TASOR2: variants seen among roughly 807,000 people sequenced by gnomAD.
TASOR2 encodes transcription activation suppressor family member 2.
TASOR2 carries 84 observed loss-of-function variants against 199.5 expected under a neutral mutation model. The observed-to-expected ratio is 0.42, with a 90% CI of 0.35 to 0.50. The LOEUF (loss-of-function observed/expected upper bound fraction) is 0.50, where lower values mean the gene tolerates loss of function less well. Ranked by LOEUF, TASOR2 falls within the 20% of genes least tolerant of loss-of-function variation. TASOR2 has a pLI of 0.02. For synonymous variants in TASOR2, 1,103 were observed against 1,046.6 expected, an observed-to-expected ratio of 1.05 and a Z score of -1.04; for missense variants, 2,796 against 2,835.9, an observed-to-expected ratio of 0.99 and a Z score of 0.32.
At chr10:5,756,693 A>AATC (rs374568998) in exon 16 of TASOR2, 1 of 1,613,492 alleles carries the variant, frequency 6.2e-7, no homozygotes, top group East Asian at 2.2e-5. Context: ...ATGATACACT[A>AATC]ATCATCATCA....
At chr10:5,747,817 A>T in exon 15 of TASOR2, 1 of 1,613,882 alleles carries the variant, frequency 6.2e-7, no homozygotes, top group Non-Finnish European at 8.5e-7. Flanking sequence ...GGGGCAAGAT[A>T]ACTTTACCCA....
chr10:5,746,364 C>A lies in TASOR2; in HGVS notation c.2943C>A (p.Tyr981Ter), dbSNP rs1480619676. 6.2e-7 allele frequency: 1 copy of A among 1,613,966 alleles called. No individual in the cohort carries two copies. Among genetic ancestry groups the A allele is most frequent in the Non-Finnish European group, 8.5e-7 (1 of 1,179,970 alleles). The change falls in exon 15 of 21, where the codon TAC becomes TAA. Residue 981 changes from tyrosine to a stop codon, truncating the protein, a stop_gained. Transcript: ENST00000328090. LOFTEE classifies it high-confidence loss of function. ...CTCAAGCCACATTCACCAGGACTTACGATGGGCCTGGCAGTCAGCCAGTGA... is the reference window on the plus strand; with the variant it reads ...CTCAAGCCACATTCACCAGGACTTAAGATGGGCCTGGCAGTCAGCCAGTGA...
At chr10:5,695,532 A>G (rs1837047268) in intron 1 of TASOR2, among the ~76,000 whole-genome samples, 1 of 152,222 alleles carries the variant, frequency 6.6e-6, no homozygotes, top group South Asian at 2.1e-4. Context: ...AATAATGGCA[A>G]TAGTAGCTAC....
At chr10:5,756,762 G>A in intron 16 of TASOR2, 24 bp downstream of exon 17, 1 of 1,607,442 alleles carries the variant, frequency 6.2e-7, no homozygotes, top group Non-Finnish European at 8.5e-7. Context: ...ACCTTACAAA[G>A]AAACGTATTC....
rs774512122 is a variant in TASOR2, at chr10:5,739,678, G to A, written c.1508G>A (p.Gly503Glu). 15 of 1,613,834 alleles carry A rather than the reference G, an allele frequency of 9.3e-6. No homozygotes were observed. In the South Asian group the frequency reaches 1.5e-4, roughly 17 times the overall value. Residue 503 changes from glycine to glutamate, a missense_variant, in exon 13 of 21, where the codon GGG becomes GAG. Physicochemically the swap from Gly to Glu is moderately conservative, Grantham distance 98. Transcript: ENST00000328090. ...ATTTCAAGAGGTTGTCAAGAAGATG[G>A]GATTAGCATAAATAGTGTTCAACCA...
rs915442581 is a variant in TASOR2, at chr10:5,750,250, AT to A, written c.6606+231del. On this transcript the variant is annotated intron_variant, in intron 15 of 20. Transcript: ENST00000328090. The surrounding 1 kb of genome is among the most constrained non-coding windows in gnomAD (Gnocchi z 5.4). ...TGTTCCAGAATTAGGGCAATGACTA[AT>A]TTTTTTTCACAAAAAGTTACCAGTG... 6.6e-6 allele frequency among the ~76,000 whole-genome samples: 1 copy of A among 151,924 alleles called. No individual in the cohort carries two copies. Among genetic ancestry groups the A allele is most frequent in the Non-Finnish European group, 1.5e-5 (1 of 68,000 alleles).
chr10:5,708,584 CTCTCTT>C (rs1831451310), intron 1 of TASOR2, among the ~76,000 whole-genome samples: 1 of 150,736 alleles, frequency 6.6e-6, no homozygotes, highest in African/African-American at 2.4e-5. Flanking sequence ...CTCCTTTTCT[CTCTCTT>C]TCTCTATCTC....
At chr10:5,756,531 C>A in intron 15 of TASOR2, 82 bp from the exon 17 acceptor site, 2 of 1,443,724 alleles carry the variant, frequency 1.4e-6, no homozygotes, top group Non-Finnish European at 1.9e-6. Flanking sequence ...GACTATACTG[C>A]TTTTCATTAT....
rs149611935 is a variant in TASOR2 at position 5,690,835 on chromosome 10, A to G, written c.-288+5660A>G. On this transcript the variant is annotated intron_variant, in intron 1 of 20. Transcript: ENST00000328090. This position sits in a 1 kb window ranked among gnomAD's most constrained non-coding sequence, Gnocchi z 4.8. ...TTGATGAGGAGCCAGAACAATGGTC[A>G]TTACTGTATAGAGATGTTTTAAAAA... Among the ~76,000 whole-genome samples, 1 of 152,364 alleles carries G rather than the reference A, an allele frequency of 6.6e-6. No homozygotes were observed. The highest frequency in any genetic ancestry group is 1.9e-4 in the East Asian group (1 of 5,192).
chr10:5,752,305 G>A lies in TASOR2; in HGVS notation c.6606+2278G>A, dbSNP rs560033131. Among the ~76,000 whole-genome samples, 3 of 152,352 alleles carry A rather than the reference G, an allele frequency of 2.0e-5. No homozygotes were observed. Among genetic ancestry groups the A allele is most frequent in the African/African-American group, 7.2e-5 (3 of 41,588 alleles). On this transcript the variant is annotated intron_variant, in intron 15 of 20. Coordinates refer to ENST00000328090, the Ensembl canonical transcript of TASOR2. The surrounding 1 kb of genome is among the most constrained non-coding windows in gnomAD (Gnocchi z 4.4). The stretch of plus-strand genomic sequence containing the variant: ...ATGGTAAATGTGACGCAGGTGCCAC[G>A]AGGACGCATTGAGGGTGATTGGCCT...
chr10:5,745,779 G>GA (rs796333348), intron 14 of TASOR2, among the ~76,000 whole-genome samples: 177 of 144,310 alleles, frequency 1.2e-3, no homozygotes, highest in Admixed American at 2.1e-3. Context: ...ACGCTGTCTT[G>GA]AAAAAAAAAA....
chr10:5,723,029 T>G (rs1447228784), intron 6 of TASOR2, among the ~76,000 whole-genome samples: 1 of 140,430 alleles, frequency 7.1e-6, no homozygotes. Context: ...AAGGAAAAAG[T>G]AGTCAGGAAA....
intron 8 of TASOR2, among the ~76,000 whole-genome samples, chr10:5,726,049 A>C (rs1834013982): frequency 6.6e-6 from 1 of 152,180 alleles, no homozygotes; most frequent in African/African-American, 2.4e-5. Flanking sequence ...ATCACCTCTC[A>C]GTTTTGAAAT....
At chr10:5,709,581 A>G in intron 1 of TASOR2, 8 of 1,230,784 alleles carry the variant, frequency 6.5e-6, no homozygotes, top group Non-Finnish European at 7.1e-6. Context: ...CTGAGGGTAT[A>G]CTTGGTGAAA....
rs1838051010 is a variant in TASOR2, at chr10:5,751,617, T to C, written c.6606+1590T>C. 6.6e-6 allele frequency among the ~76,000 whole-genome samples: 1 copy of C among 152,336 alleles called. No homozygotes were observed. Among genetic ancestry groups the C allele is most frequent in the South Asian group, 2.1e-4 (1 of 4,824 alleles). The stretch of plus-strand genomic sequence containing the variant: ...TTCTTTACTTTGGGGTGTAACATAA[T>C]GTTCCAGGCTTATCGTGTATTTTCC... On this transcript the variant is annotated intron_variant, in intron 15 of 20. Transcript: ENST00000328090. This position sits in a 1 kb window ranked among gnomAD's most constrained non-coding sequence, Gnocchi z 5.3.
At chr10:5,703,325 A>G (rs1838133228) in intron 1 of TASOR2, among the ~76,000 whole-genome samples, 1 of 152,120 alleles carries the variant, frequency 6.6e-6, no homozygotes, top group African/African-American at 2.4e-5. Flanking sequence ...TTTTAGTCAC[A>G]AGTGGCTGTT....
intron 1 of TASOR2, among the ~76,000 whole-genome samples, chr10:5,696,639 C>A (rs752210198): frequency 1.3e-5 from 2 of 152,146 alleles, no homozygotes; most frequent in African/African-American, 2.4e-5. Context: ...CAGGTGTGAG[C>A]CACTGGTGCC....
intron 14 of TASOR2, among the ~76,000 whole-genome samples, chr10:5,745,703 C>G (rs1040045079): frequency 1.3e-5 from 2 of 151,916 alleles, no homozygotes; most frequent in African/African-American, 2.4e-5. Flanking sequence ...CACTTAAACC[C>G]GGGAGGCAGA....
intron 11 of TASOR2, among the ~76,000 whole-genome samples, chr10:5,734,880 TAC>T (rs891285837): frequency 5.9e-5 from 9 of 151,912 alleles, no homozygotes; most frequent in African/African-American, 1.9e-4. Flanking sequence ...TATTTTTTTG[TAC>T]AGTGTCTTGC....
Sources: allele counts gnomAD v4.1 joint callset (sites outside exome capture counted in the v4.1 genomes callset), GRCh38; gene constraint gnomAD v4.1.1; non-coding constraint Gnocchi (gnomAD v3.1); transcripts MANE v1.5; gene names NCBI Gene and HGNC (gene_info 2026-07-23, HGNC 2026-07-21).